ADD2: variants seen among roughly 807,000 people sequenced by gnomAD.
The protein encoded by ADD2 is beta-adducin.
ADD2 carries 23 observed loss-of-function variants against 83.0 expected under a neutral mutation model. The ratio of observed to expected loss-of-function variants is 0.28; its 90% confidence interval spans 0.20 to 0.39. The LOEUF (loss-of-function observed/expected upper bound fraction) is 0.39, where lower values mean the gene tolerates loss of function less well. Ranked by LOEUF, ADD2 falls within the 10% of genes least tolerant of loss-of-function variation. The pLI, the probability that ADD2 is intolerant of heterozygous loss-of-function variation, is 1.00. For synonymous variants in ADD2, 375 were observed against 375.4 expected (o/e 1.00, Z 0.01); for missense variants, 758 against 944.9 (o/e 0.80, Z 2.59).
intron 1 of ADD2, among the ~76,000 whole-genome samples, chr2:70,747,315 G>A (rs1193809067): frequency 5.3e-5 from 8 of 152,052 alleles, no homozygotes; most frequent in Admixed American, 2.6e-4. Context: ...CAGCCTAAGA[G>A]TCCAATATGG....
chr2:70,749,988 C>T (rs1553382666), intron 1 of ADD2, among the ~76,000 whole-genome samples: 2 of 152,202 alleles, frequency 1.3e-5, no homozygotes, highest in Non-Finnish European at 2.9e-5. Flanking sequence ...AAAAGACTTT[C>T]CTGTCCAATC....
At chr2:70,674,850 G>A (rs200858053) in intron 13 of ADD2, 25 bp from the exon 14 acceptor site, 2 of 1,604,878 alleles carry the variant, frequency 1.2e-6, no homozygotes, top group Non-Finnish European at 1.7e-6. Flanking sequence ...CAGAGGGTGT[G>A]TCGCTCTCTG....
chr2:70,703,003 G>A (rs534112151), intron 4 of ADD2, among the ~76,000 whole-genome samples: 14 of 152,178 alleles, frequency 9.2e-5, no homozygotes, highest in East Asian at 5.8e-4. Flanking sequence ...GTGCGTGCCC[G>A]TGGTCCCAGC....
intron 1 of ADD2, among the ~76,000 whole-genome samples, chr2:70,713,786 C>A (rs185223800): frequency 6.6e-6 from 1 of 152,056 alleles, no homozygotes; most frequent in Non-Finnish European, 1.5e-5. Context: ...CGAGCCCAGA[C>A]GTGGTGGCGA....
At chr2:70,666,636 G>C (rs1675812667) in intron 15 of ADD2, among the ~76,000 whole-genome samples, 1 of 152,210 alleles carries the variant, frequency 6.6e-6, no homozygotes, top group African/African-American at 2.4e-5. Flanking sequence ...GTCATTTCCT[G>C]CCTGGTGGCA....
chr2:70,701,777 T>TA (rs1387960675), intron 4 of ADD2, among the ~76,000 whole-genome samples: 1 of 152,142 alleles, frequency 6.6e-6, no homozygotes, highest in East Asian at 1.9e-4. Flanking sequence ...AAGATTCACT[T>TA]AAAATAACAA....
chr2:70,756,311 C>T (rs967922808), intron 1 of ADD2, among the ~76,000 whole-genome samples: 3 of 152,138 alleles, frequency 2.0e-5, no homozygotes, highest in Admixed American at 1.3e-4. Context: ...AAACTGCACA[C>T]ACTGCAGGAG....
In ADD2 at chr2:70,660,330, T is replaced by C. The variant is rs1374305425; in HGVS notation, c.*3095A>G. On this transcript the variant is annotated 3_prime_UTR_variant, in exon 16 of 16. Coordinates refer to ENST00000264436, the MANE Select transcript of ADD2 (RefSeq NM_001617.4). ...TTAAGGTGCTTTATCCAAAGACTTT[T>C]ATGGAAATAAATTTTGTGTTGGAAA... 6 of 152,238 alleles carry C rather than the reference T, an allele frequency of 3.9e-5. No individual in the cohort carries two copies. The highest frequency in any genetic ancestry group is 1.9e-4 in the East Asian group (1 of 5,194). 9.4% of individuals were successfully genotyped at this position (152,238 alleles called of 1,614,324 possible).
chr2:70,736,068 G>A (rs1490039068), intron 1 of ADD2, among the ~76,000 whole-genome samples: 1 of 151,998 alleles, frequency 6.6e-6, no homozygotes, highest in Non-Finnish European at 1.5e-5. Flanking sequence ...CATCAGGAGG[G>A]CACAACAGGG....
chr2:70,741,567 A>T (rs1558572870), intron 1 of ADD2, among the ~76,000 whole-genome samples: 1 of 152,216 alleles, frequency 6.6e-6, no homozygotes, highest in African/African-American at 2.4e-5. Flanking sequence ...TCCCCACCAC[A>T]TTCCAGGTCA....
intron 1 of ADD2, among the ~76,000 whole-genome samples, chr2:70,743,209 C>G (rs533027907): frequency 2.6e-5 from 4 of 152,150 alleles, no homozygotes; most frequent in Non-Finnish European, 4.4e-5. Context: ...CCTCAGTGGA[C>G]ATGAGGAATA....
rs373711338 is a variant in ADD2, at chr2:70,663,755, T to C, written c.1871-20A>G. 40 of 1,603,490 alleles carry C rather than the reference T, an allele frequency of 2.5e-5. No individual in the cohort carries two copies. In the African/African-American group the frequency reaches 4.6e-4, roughly 18 times the overall value. On this transcript the variant is annotated intron_variant, in intron 15 of 15. Coordinates refer to ENST00000264436, the MANE Select transcript of ADD2 (RefSeq NM_001617.4). ...TACCTTCTAGAAAAAGATCAAAAGA[T>C]ATGACCTGTAAGATTTCATTCAGGT... is the stretch of plus-strand genomic sequence containing the variant.
intron 4 of ADD2, among the ~76,000 whole-genome samples, chr2:70,702,564 A>C (rs1424428426): frequency 1.3e-5 from 2 of 152,184 alleles, no homozygotes; most frequent in Non-Finnish European, 2.9e-5. Context: ...GAAACATGGG[A>C]AAGGTATTTC....
intron 13 of ADD2, chr2:70,675,481 T>A (rs1364722255): frequency 3.0e-6 from 3 of 985,344 alleles, no homozygotes; most frequent in Admixed American, 1.2e-4. Flanking sequence ...AGCCCGTGGT[T>A]CTAGGGAGCT....
intron 1 of ADD2, among the ~76,000 whole-genome samples, chr2:70,725,026 G>A (rs76587663): frequency 0.026 from 3,909 of 152,254 alleles, 94 homozygotes; most frequent in Admixed American, 0.063. Context: ...ATCCCATAAG[G>A]GTGAAGAACA....
In ADD2 at chr2:70,706,538, GT is replaced by G; in HGVS notation, c.-34-97del. 8.7e-7 allele frequency: 1 copy of G among 1,144,756 alleles called. No homozygotes were observed. The highest frequency in any genetic ancestry group is 1.2e-6 in the Non-Finnish European group (1 of 825,834). 70.9% of individuals were successfully genotyped at this position (1,144,756 alleles called of 1,614,324 possible). A position where few individuals can be genotyped will look rare whatever the true frequency, so the allele number is the denominator to read the frequency against. On this transcript the variant is annotated intron_variant, in intron 2 of 15. Transcript: ENST00000264436. This position sits in a 1 kb window ranked among gnomAD's most constrained non-coding sequence, Gnocchi z 5.0. ...AGGGCTAGGTTCAGTTGGATTCTCA[GT>G]GGGGTACGGCTGTTCCTAGGATGGT...
chr2:70,695,838 G>T, intron 5 of ADD2, 37 bp from the exon 6 acceptor site: 2 of 1,576,350 alleles, frequency 1.3e-6, no homozygotes, highest in South Asian at 2.2e-5. Flanking sequence ...GGCAAGGAGG[G>T]AGAAAGGACA....
At chr2:70,702,527 T>C (rs1574263185) in intron 4 of ADD2, among the ~76,000 whole-genome samples, 1 of 152,056 alleles carries the variant, frequency 6.6e-6, no homozygotes, top group Non-Finnish European at 1.5e-5. Flanking sequence ...AAATGCATAA[T>C]TAAGGGTATT....
Position 70,743,158 on chromosome 2 carries a change from C to T in ADD2, c.-154+24728G>A, listed in dbSNP as rs79667779. On this transcript the variant is annotated intron_variant, in intron 1 of 15. Coordinates refer to ENST00000264436, the MANE Select transcript of ADD2 (RefSeq NM_001617.4). ...GGTCAGCGTCCATAGCCTGTCAGTA[C>T]GGTCAATATTGGCTGGAGTCAAAAT... is the stretch of plus-strand genomic sequence containing the variant. 7.9e-3 allele frequency among the ~76,000 whole-genome samples: 1,202 copies of T among 152,274 alleles called. 12 individuals carry two copies. The highest frequency in any genetic ancestry group is 0.051 in the East Asian group (262 of 5,176).
Sources: gnomAD v4.1 joint callset for allele counts (sites outside exome capture counted in the v4.1 genomes callset) on GRCh38, gnomAD v4.1.1 for gene constraint, Gnocchi (gnomAD v3.1) non-coding constraint, MANE v1.5 for transcripts, NCBI Gene and HGNC (gene_info 2026-07-23, HGNC 2026-07-21) for gene names.